Variants in PHTF2 observed in about 807,000 individuals in gnomAD.
The protein encoded by PHTF2 is putative homeodomain transcription factor 2.
PHTF2 carries 60 observed loss-of-function variants against 101.2 expected under a neutral mutation model. The ratio of observed to expected loss-of-function variants is 0.59; its 90% CI spans 0.48 to 0.73. The LOEUF is 0.73. PHTF2 is among the 30% of genes least tolerant of loss of function. The pLI is 0.00. For synonymous variants in PHTF2, 311 were observed against 307.3 expected (o/e 1.01, Z -0.13); for missense variants, 747 against 908.7 (o/e 0.82, Z 2.29).
chr7:77,955,790 C>T (rs1027822112), exon 20 of PHTF2: 3 of 152,440 alleles, frequency 2.0e-5, no homozygotes, highest in Non-Finnish European at 4.4e-5. Flanking sequence ...GTAGGCTATT[C>T]ATACCACACT....
At chr7:77,804,243 T>A (rs1160320869) in intron 1 of PHTF2, among the ~76,000 whole-genome samples, 1 of 152,236 alleles carries the variant, frequency 6.6e-6, no homozygotes, top group Non-Finnish European at 1.5e-5. Flanking sequence ...TGTATGAATA[T>A]ATCATTTGTT....
chr7:77,823,385 T>A (rs1794461445), intron 1 of PHTF2, among the ~76,000 whole-genome samples: 1 of 151,580 alleles, frequency 6.6e-6, no homozygotes, highest in Non-Finnish European at 1.5e-5. Flanking sequence ...CACACCCAGC[T>A]AATTTTTGTA....
chr7:77,953,165 T>C (rs746511598), intron 18 of PHTF2, among the ~76,000 whole-genome samples: 20 of 152,198 alleles, frequency 1.3e-4, no homozygotes, highest in Non-Finnish European at 2.4e-4. Context: ...CACCTTCCTC[T>C]ATGGCCCCAT....
chr7:77,812,838 C>T (rs968881211), intron 1 of PHTF2, among the ~76,000 whole-genome samples: 1 of 152,156 alleles, frequency 6.6e-6, no homozygotes, highest in African/African-American at 2.4e-5. Flanking sequence ...ATTTGCCCAC[C>T]TTGGCCTCCC....
At chr7:77,830,553 G>A (rs115438983) in intron 1 of PHTF2, among the ~76,000 whole-genome samples, 105 of 152,314 alleles carry the variant, frequency 6.9e-4, no homozygotes, top group African/African-American at 2.3e-3. Flanking sequence ...CCTATTCTCA[G>A]CTGTGTATGT....
chr7:77,923,645 C>G (rs896846767), intron 11 of PHTF2: 1 of 985,060 alleles, frequency 1.0e-6, no homozygotes, highest in South Asian at 4.7e-5. Context: ...GCTCTATTGC[C>G]TCTTCACCCA....
chr7:77,886,212 C>T (rs1000159390), intron 3 of PHTF2, among the ~76,000 whole-genome samples: 5 of 152,170 alleles, frequency 3.3e-5, no homozygotes, highest in Non-Finnish European at 7.4e-5. Context: ...AATGTGATAA[C>T]CTAGGGGTAA....
intron 1 of PHTF2, among the ~76,000 whole-genome samples, chr7:77,826,303 C>T (rs538339250): frequency 5.5e-4 from 83 of 152,242 alleles, no homozygotes; most frequent in African/African-American, 1.7e-3. Flanking sequence ...AAAGTTTTGA[C>T]GGTAGGAAGT....
In PHTF2 at chr7:77,954,907, T is replaced by G. The variant is rs369642224; in HGVS notation, c.*29T>G. 59 of 1,337,930 alleles carry G rather than the reference T, an allele frequency of 4.4e-5. No individual in the cohort carries two copies. The African/African-American group carries it at 8.4e-4, about 19-fold the overall frequency. The allele number at this position is 1,337,930 out of a possible 1,614,324, so 82.9% of individuals were successfully genotyped here. On this transcript the variant is annotated 3_prime_UTR_variant, in exon 20 of 20. Coordinates refer to ENST00000416283, the Ensembl canonical transcript of PHTF2. ...TTCAAAGAAAAGAAGATGTAGCCTC[T>G]TTTCCAGAATAAGAGTACTGACTAA...
chr7:77,901,121 C>A (rs1226108297), intron 6 of PHTF2, among the ~76,000 whole-genome samples: 2 of 152,208 alleles, frequency 1.3e-5, no homozygotes, highest in Non-Finnish European at 2.9e-5. Context: ...CACTCACTAT[C>A]TCAAGGACAG....
chr7:77,898,866 T>G (rs1196469136), intron 5 of PHTF2, among the ~76,000 whole-genome samples: 3 of 152,172 alleles, frequency 2.0e-5, no homozygotes, highest in Non-Finnish European at 4.4e-5. Flanking sequence ...TGGTGTGACC[T>G]TGGTTTATGG....
chr7:77,870,242 ATTTTGTTTT>A, intron 3 of PHTF2, among the ~76,000 whole-genome samples: 1 of 136,384 alleles, frequency 7.3e-6, no homozygotes, highest in East Asian at 2.1e-4. Context: ...TCTTTAATCC[ATTTTGTTTT>A]TTTTTTTTTT....
chr7:77,896,115 T>C (rs573472608), intron 5 of PHTF2: 6 of 152,354 alleles, frequency 3.9e-5, no homozygotes, highest in Admixed American at 3.9e-4. Flanking sequence ...ATATTGTGGA[T>C]GTACTTAGAA....
intron 9 of PHTF2, among the ~76,000 whole-genome samples, chr7:77,911,365 C>G (rs1416457882): frequency 6.6e-6 from 1 of 151,314 alleles, no homozygotes; most frequent in South Asian, 2.1e-4. Flanking sequence ...AATATAATTA[C>G]AGCAAACATT....
At chr7:77,954,031 G>C (rs919480724) in intron 19 of PHTF2, 137 bp downstream of exon 18, 1 of 652,210 alleles carries the variant, frequency 1.5e-6, no homozygotes, top group African/African-American at 1.8e-5. Context: ...TAATTTCAAA[G>C]AATTATATGT....
At chr7:77,834,357 AG>A (rs1183969211) in intron 1 of PHTF2, among the ~76,000 whole-genome samples, 1 of 151,896 alleles carries the variant, frequency 6.6e-6, no homozygotes, top group Non-Finnish European at 1.5e-5. Flanking sequence ...AGGAAGAAGC[AG>A]TTCCTGAGTT....
chr7:77,894,072 G>A, intron 5 of PHTF2, 79 bp downstream of exon 4: 2 of 1,047,118 alleles, frequency 1.9e-6, no homozygotes, highest in Non-Finnish European at 3.0e-6. Context: ...GCTTTTTGGT[G>A]CTACTAACAG....
At chr7:77,841,033 A>G (rs1795824377) in intron 2 of PHTF2, among the ~76,000 whole-genome samples, 1 of 146,280 alleles carries the variant, frequency 6.8e-6, no homozygotes, top group African/African-American at 2.6e-5. Flanking sequence ...ACAAAATATA[A>G]TGATACATTT....
chr7:77,799,597 A>G (rs555469846), intron 1 of PHTF2, among the ~76,000 whole-genome samples: 14 of 152,352 alleles, frequency 9.2e-5, no homozygotes, highest in African/African-American at 3.4e-4. Flanking sequence ...ACCGTGCTCC[A>G]TCAGCATGCT....
Sources: allele counts gnomAD v4.1 joint callset (sites outside exome capture counted in the v4.1 genomes callset), GRCh38; gene constraint gnomAD v4.1.1; transcripts MANE v1.5; gene names NCBI Gene and HGNC (gene_info 2026-07-23, HGNC 2026-07-21).